The following KLHL18 variants were observed in gnomAD, a reference collection of about 807,000 sequenced individuals.
KLHL18 encodes the protein kelch like family member 18.
KLHL18 carries 38 observed loss-of-function variants against 58.5 expected under a neutral mutation model. The ratio of observed to expected loss-of-function variants is 0.65; its 90% CI spans 0.50 to 0.85. KLHL18 has a LOEUF of 0.85. Among genes scored for constraint, KLHL18 ranks in the 40% least tolerant of loss-of-function variants. The pLI, the probability that KLHL18 is intolerant of heterozygous loss-of-function variation, is 0.00. For synonymous variants in KLHL18, 303 were observed against 301.9 expected (o/e 1.00, Z -0.04); for missense variants, 624 against 778.4 (o/e 0.80, Z 2.36).
chr3:47,316,643 ATG>A (rs71098474), intron 1 of KLHL18, among the ~76,000 whole-genome samples: 76 of 2,816 alleles, frequency 0.027, 3 homozygotes, highest in East Asian at 0.23. Context: ...ATATATGTAT[ATG>A]TGTGTGTATA....
intron 9 of KLHL18, 28 bp downstream of exon 9, chr3:47,342,858 G>GGT: frequency 6.8e-7 from 1 of 1,480,052 alleles, no homozygotes; most frequent in Non-Finnish European, 9.4e-7. Context: ...CTGGGATAAG[G>GGT]GTACCTACTT....
chr3:47,283,459 C>A (rs1189275509), intron 1 of KLHL18: 1 of 298,236 alleles, frequency 3.4e-6, no homozygotes, highest in African/African-American at 2.2e-5. Flanking sequence ...CACTGAAGAA[C>A]CTTCTCTTGT....
At chr3:47,311,926 C>G (rs1470887423) in intron 1 of KLHL18, among the ~76,000 whole-genome samples, 1 of 152,200 alleles carries the variant, frequency 6.6e-6, no homozygotes, top group Non-Finnish European at 1.5e-5. Flanking sequence ...TATGCAGAGC[C>G]CTGCTCAGGA....
At chr3:47,302,437 A>G (rs1703047562) in intron 1 of KLHL18, among the ~76,000 whole-genome samples, 1 of 152,242 alleles carries the variant, frequency 6.6e-6, no homozygotes, top group Non-Finnish European at 1.5e-5. Flanking sequence ...GTGAGCCAAG[A>G]TCGCGCCACT....
In KLHL18 at chr3:47,333,279, A is replaced by T; in HGVS notation, c.723A>T (p.Val241=). 6.2e-7 allele frequency: 1 copy of T among 1,614,162 alleles called. No homozygotes were observed. Among genetic ancestry groups the T allele is most frequent in the Non-Finnish European group, 8.5e-7 (1 of 1,180,006 alleles). Residue 241 remains valine (V), a synonymous_variant, in exon 5 of 10, where the codon GTA becomes GTT. Transcript: ENST00000232766. ...GGCCCCAGTTCCTTTCAGACAGAGTACAGCAGGATGACCTGGTGCGTTGCT... is the reference window on the plus strand; with the variant it reads ...GGCCCCAGTTCCTTTCAGACAGAGTTCAGCAGGATGACCTGGTGCGTTGCT... ...LCRPQFLSDR[V]QQDDLVRCCH... is the part of the protein sequence containing the mutation.
At chr3:47,292,766 C>T (rs1401429456) in intron 1 of KLHL18, among the ~76,000 whole-genome samples, 4 of 151,828 alleles carry the variant, frequency 2.6e-5, no homozygotes, top group African/African-American at 7.3e-5. Context: ...ATTAGCCAGG[C>T]GTGGTGGTAT....
rs528198582 is a variant in KLHL18 at position 47,344,298 on chromosome 3, G to A, written c.*357G>A. On this transcript the variant is annotated 3_prime_UTR_variant, in exon 10 of 10. Transcript: ENST00000232766. ...GGCCTTCCATCTGATGCTCCCCATC[G>A]CCTGCTTGCTCTCCAGCCGAGTCTG... 1.3e-5 allele frequency: 4 copies of A among 308,090 alleles called. No individual in the cohort carries two copies. Among genetic ancestry groups the A allele is most frequent in the East Asian group, 9.2e-5 (1 of 10,866 alleles). The allele number at this position is 308,090 out of a possible 1,614,324, so 19.1% of individuals were successfully genotyped here.
chr3:47,297,201 AGT>A (rs1322969930), intron 1 of KLHL18, among the ~76,000 whole-genome samples: 1 of 152,166 alleles, frequency 6.6e-6, no homozygotes. Flanking sequence ...GTGTTCAAAG[AGT>A]GTGCTCTAAA....
At chr3:47,302,005 A>T (rs1311084524) in intron 1 of KLHL18, among the ~76,000 whole-genome samples, 1 of 152,044 alleles carries the variant, frequency 6.6e-6, no homozygotes, top group Non-Finnish European at 1.5e-5. Flanking sequence ...TCTTGCCATG[A>T]TGCCCAGGCT....
intron 4 of KLHL18, among the ~76,000 whole-genome samples, chr3:47,332,421 A>G (rs1703885470): frequency 6.6e-6 from 1 of 152,064 alleles, no homozygotes; most frequent in South Asian, 2.1e-4. Context: ...GGTATGATTT[A>G]TTTTCCTCTT....
chr3:47,337,072 G>T, intron 7 of KLHL18: 1 of 282,884 alleles, frequency 3.5e-6, no homozygotes. Flanking sequence ...AACTGGACTG[G>T]AACTTCTGGA....
At position 47,304,478 on chromosome 3, in the gene KLHL18, G is replaced by A. The variant is rs116761863; in HGVS notation, c.130-15175G>A. Among the ~76,000 whole-genome samples the A allele has an allele frequency of 5.6e-3, 853 of 152,212 alleles. 6 individuals carry two copies. Among genetic ancestry groups the A allele is most frequent in the African/African-American group, 0.019 (807 of 41,514 alleles). On this transcript the variant is annotated intron_variant, in intron 1 of 9. Transcript: ENST00000232766. Reference sequence around the variant, plus strand: ...CGATTATGCCACTGCACTCTAGCCTGGGCAACAGAGCAAGACACACAAGTC... The same window carrying A: ...CGATTATGCCACTGCACTCTAGCCTAGGCAACAGAGCAAGACACACAAGTC...
At chr3:47,324,686 T>A (rs1463510331) in intron 3 of KLHL18, among the ~76,000 whole-genome samples, 1 of 151,916 alleles carries the variant, frequency 6.6e-6, no homozygotes, top group Non-Finnish European at 1.5e-5. Flanking sequence ...AAAATTTTTT[T>A]AATTAGTCAA....
At chr3:47,288,558 A>G (rs1443048233) in intron 1 of KLHL18, among the ~76,000 whole-genome samples, 9 of 152,336 alleles carry the variant, frequency 5.9e-5, no homozygotes, top group African/African-American at 2.2e-4. Flanking sequence ...AATAAATATT[A>G]GCAGGCATGC....
intron 3 of KLHL18, among the ~76,000 whole-genome samples, chr3:47,326,655 C>T (rs1362303995): frequency 2.0e-5 from 3 of 152,168 alleles, no homozygotes; most frequent in South Asian, 2.1e-4. Flanking sequence ...CGTTGACTCA[C>T]GCCTGTAATC....
chr3:47,284,314 C>G lies in KLHL18; in HGVS notation c.129+1220C>G, dbSNP rs970819733. Among the ~76,000 whole-genome samples, 7 of 149,006 alleles carry G rather than the reference C, an allele frequency of 4.7e-5. No individual in the cohort carries two copies. In the East Asian group the frequency reaches 1.2e-3, roughly 25 times the overall value. ...GAAAAAATAAAACTATGCAGAGATT[C>G]TTTTGCTCTTCTTTTCTTTTTTCTT... On this transcript the variant is annotated intron_variant, in intron 1 of 9. Coordinates refer to ENST00000232766, the MANE Select transcript of KLHL18 (RefSeq NM_025010.5).
rs1396186619 is a variant in KLHL18 at position 47,345,932 on chromosome 3, G to A, written c.*1991G>A. 1.3e-5 allele frequency: 2 copies of A among 152,552 alleles called. No homozygotes were observed. Among genetic ancestry groups the A allele is most frequent in the Non-Finnish European group, 2.9e-5 (2 of 68,012 alleles). 9.4% of individuals were successfully genotyped at this position (152,552 alleles called of 1,614,324 possible). Reference sequence around the variant, plus strand: ...TTTATTTTTAACGTCTCAACAATCTGATATCGGATGTCGTTTAACCTGGGC... The same window carrying A: ...TTTATTTTTAACGTCTCAACAATCTAATATCGGATGTCGTTTAACCTGGGC... On this transcript the variant is annotated 3_prime_UTR_variant, in exon 10 of 10. Coordinates refer to ENST00000232766, the MANE Select transcript of KLHL18 (RefSeq NM_025010.5).
At chr3:47,313,208 CT>C (rs1703345312) in intron 1 of KLHL18, among the ~76,000 whole-genome samples, 1 of 146,366 alleles carries the variant, frequency 6.8e-6, no homozygotes, top group Non-Finnish European at 1.5e-5. Flanking sequence ...CGTGCCCGGC[CT>C]AATTTTTTTT....
chr3:47,317,630 T>G (rs893966445), intron 1 of KLHL18, among the ~76,000 whole-genome samples: 1 of 151,902 alleles, frequency 6.6e-6, no homozygotes, highest in Admixed American at 6.6e-5. Flanking sequence ...AAAAGAAAAA[T>G]TATACAAAAA....
Sources: allele counts gnomAD v4.1 joint callset (sites outside exome capture counted in the v4.1 genomes callset), GRCh38; gene constraint gnomAD v4.1.1; transcripts MANE v1.5; gene names NCBI Gene and HGNC (gene_info 2026-07-23, HGNC 2026-07-21).